Variants in GPC5 observed in about 807,000 individuals in gnomAD.
GPC5 encodes the protein glypican-5.
Under a neutral mutation model 53.9 loss-of-function variants are expected in GPC5, and 47 were observed. The ratio of observed to expected loss-of-function variants is 0.87; its 90% CI spans 0.69 to 1.11. The LOEUF (loss-of-function observed/expected upper bound fraction) is 1.11. GPC5 is among the 50% of genes most tolerant of loss of function. The pLI is 0.00. For synonymous variants in GPC5, 286 were observed against 263.3 expected (o/e 1.09, Z -0.84); for missense variants, 748 against 713.1 (o/e 1.05, Z -0.56).
chr13:91,717,022 C>A (rs1194537325), intron 3 of GPC5, among the ~76,000 whole-genome samples: 1 of 152,164 alleles, frequency 6.6e-6, no homozygotes, highest in African/African-American at 2.4e-5. Flanking sequence ...TGCTACAGGA[C>A]AAATCCCACC....
intron 3 of GPC5, among the ~76,000 whole-genome samples, chr13:91,721,575 AT>A: frequency 6.6e-6 from 1 of 152,284 alleles, no homozygotes; most frequent in South Asian, 2.1e-4. Flanking sequence ...TAGAACACAA[AT>A]TTAGCCCTTG....
intron 2 of GPC5, among the ~76,000 whole-genome samples, chr13:91,571,921 T>TGTGTGTG (rs1426983247): frequency 9.2e-6 from 1 of 108,740 alleles, no homozygotes; most frequent in African/African-American, 3.6e-5. Flanking sequence ...TATACACATA[T>TGTGTGTG]TGTATATATA....
chr13:91,894,991 C>T (rs546164010), intron 5 of GPC5, among the ~76,000 whole-genome samples: 2 of 151,446 alleles, frequency 1.3e-5, no homozygotes, highest in Non-Finnish European at 2.9e-5. Flanking sequence ...TTTTATCATC[C>T]TAGGAGGGAT....
At chr13:92,114,568 T>C (rs1449812487) in intron 6 of GPC5, among the ~76,000 whole-genome samples, 1 of 152,180 alleles carries the variant, frequency 6.6e-6, no homozygotes, top group Admixed American at 6.5e-5. Context: ...AACCCTACAA[T>C]GCTGTGAGTA....
At chr13:92,416,375 G>C (rs995833065) in intron 7 of GPC5, among the ~76,000 whole-genome samples, 12 of 152,180 alleles carry the variant, frequency 7.9e-5, no homozygotes, top group Non-Finnish European at 4.4e-5. Flanking sequence ...AATGAGGTCA[G>C]AACTCTACCT....
intron 7 of GPC5, among the ~76,000 whole-genome samples, chr13:92,404,099 A>AT (rs1335083407): frequency 1.1e-4 from 16 of 152,216 alleles, no homozygotes; most frequent in Admixed American, 1.3e-4. Flanking sequence ...ATTGCTTTAT[A>AT]TTTGAAATGT....
intron 2 of GPC5, among the ~76,000 whole-genome samples, chr13:91,593,901 C>A (rs1380317652): frequency 2.0e-5 from 3 of 147,602 alleles, no homozygotes; most frequent in African/African-American, 7.5e-5. Context: ...AATGTGCTCT[C>A]ACAAAGAACT....
intron 7 of GPC5, among the ~76,000 whole-genome samples, chr13:92,381,909 G>GATATATATATCATATATAATATATATC (rs1491229146): frequency 8.2e-6 from 1 of 122,126 alleles, no homozygotes; most frequent in African/African-American, 3.2e-5. Context: ...TCATATATAT[G>GATATATATATCATATATAATATATATC]ATATATATAA....
At chr13:92,611,310 C>T (rs1355687022) in intron 7 of GPC5, among the ~76,000 whole-genome samples, 1 of 152,118 alleles carries the variant, frequency 6.6e-6, no homozygotes, top group Non-Finnish European at 1.5e-5. Flanking sequence ...TGGACTTAGG[C>T]TGTAATCCCA....
At chr13:92,273,108 CTTG>C (rs1403577787) in intron 7 of GPC5, among the ~76,000 whole-genome samples, 2 of 151,974 alleles carry the variant, frequency 1.3e-5, no homozygotes, top group Non-Finnish European at 2.9e-5. Context: ...AGGACTTTTT[CTTG>C]TTGTTTTGAT....
At chr13:92,763,856 G>A (rs1436848068) in intron 7 of GPC5, among the ~76,000 whole-genome samples, 1 of 152,136 alleles carries the variant, frequency 6.6e-6, no homozygotes, top group Non-Finnish European at 1.5e-5. Context: ...GTCCTGGGGA[G>A]CAGCGTACTA....
chr13:92,432,177 T>C (rs1013598434), intron 7 of GPC5, among the ~76,000 whole-genome samples: 1 of 152,092 alleles, frequency 6.6e-6, no homozygotes, highest in Non-Finnish European at 1.5e-5. Context: ...AAGGTGGCCA[T>C]CTGCAGGGCA....
chr13:91,556,570 T>TATATATATATATAC (rs2030966085), intron 2 of GPC5, among the ~76,000 whole-genome samples: 1 of 149,696 alleles, frequency 6.7e-6, no homozygotes, highest in South Asian at 2.1e-4. Context: ...TATATATATA[T>TATATATATATATAC]ACACACACAC....
At position 92,007,626 on chromosome 13, in the gene GPC5, T is replaced by C. The variant is rs141823254; in HGVS notation, c.1401+99569T>C. On this transcript the variant is annotated intron_variant, in intron 6 of 7. Coordinates refer to ENST00000377067, the MANE Select transcript of GPC5 (RefSeq NM_004466.6). Reference sequence around the variant, plus strand: ...TGTGTGTCTTTCAGGCTGTATATGGTTTATTTTAAAACACAATTTGTCAAT... The same window carrying C: ...TGTGTGTCTTTCAGGCTGTATATGGCTTATTTTAAAACACAATTTGTCAAT... Among the ~76,000 whole-genome samples, 196 of 152,278 alleles carry C rather than the reference T, an allele frequency of 1.3e-3. 1 individual carries two copies. Among genetic ancestry groups the C allele is most frequent in the African/African-American group, 4.5e-3 (186 of 41,560 alleles).
chr13:91,954,124 C>A (rs1029298471), intron 6 of GPC5, among the ~76,000 whole-genome samples: 17 of 152,170 alleles, frequency 1.1e-4, no homozygotes, highest in African/African-American at 4.1e-4. Flanking sequence ...AGATACAATT[C>A]CATAAGGCTT....
Position 91,728,556 on chromosome 13 carries a change from G to A in GPC5, c.1045G>A (p.Val349Ile). 6.2e-7 allele frequency: 1 copy of A among 1,611,906 alleles called. No individual in the cohort carries two copies. Among genetic ancestry groups the A allele is most frequent in the Non-Finnish European group, 8.5e-7 (1 of 1,178,708 alleles). The change falls in exon 4 of 8, where the codon GTA becomes ATA. Residue 349 changes from valine to isoleucine, a missense_variant. Transcript: ENST00000377067. Reference protein sequence around the residue: ...EQVNRICGRPVRTPTQSPRCS... With the variant: ...EQVNRICGRPIRTPTQSPRCS... ...GGTAAATAGGATTTGTGGCCGCCCT[G>A]TAAGAACACCCACACAAAGCCCCCG...
In GPC5 at chr13:91,624,933, G is replaced by C. The variant is rs1167289006; in HGVS notation, c.326-68254G>C. Among the ~76,000 whole-genome samples, 3 of 151,368 alleles carry C rather than the reference G, an allele frequency of 2.0e-5. 1 individual carries two copies. The highest frequency in any genetic ancestry group is 4.2e-4 in the South Asian group (2 of 4,810). The stretch of plus-strand genomic sequence containing the variant: ...CAATTTCAGTCAATGACCCAAGAAA[G>C]GAATTTTTTCTTTTTTAAAAAAAAT... On this transcript the variant is annotated intron_variant, in intron 2 of 7. Transcript: ENST00000377067.
chr13:92,572,436 C>T (rs1883058862), intron 7 of GPC5, among the ~76,000 whole-genome samples: 1 of 152,178 alleles, frequency 6.6e-6, no homozygotes, highest in African/African-American at 2.4e-5. Flanking sequence ...TTGTTGTGTT[C>T]TTTGTTCTGT....
intron 7 of GPC5, among the ~76,000 whole-genome samples, chr13:92,562,839 T>C (rs548044145): frequency 3.3e-5 from 5 of 152,040 alleles, no homozygotes; most frequent in Admixed American, 6.6e-5. Context: ...ATTCATACTA[T>C]GAGTTTAAAA....
Sources: gnomAD v4.1 joint callset for allele counts (sites outside exome capture counted in the v4.1 genomes callset) on GRCh38, gnomAD v4.1.1 for gene constraint, MANE v1.5 for transcripts, NCBI Gene and HGNC (gene_info 2026-07-23, HGNC 2026-07-21) for gene names.